ABCC1: variants seen among roughly 807,000 people sequenced by gnomAD.
ABCC1 encodes the protein multidrug resistance-associated protein 1.
ABCC1 carries 83 observed loss-of-function variants against 172.9 expected under a neutral mutation model. The ratio of observed to expected loss-of-function variants is 0.48; its 90% CI spans 0.40 to 0.58. The LOEUF (loss-of-function observed/expected upper bound fraction) is 0.58, where lower values mean the gene tolerates loss of function less well. Among genes scored for constraint, ABCC1 ranks in the 20% least tolerant of loss-of-function variants. The pLI is 0.00. For synonymous variants in ABCC1, 937 were observed against 825.2 expected, an observed-to-expected ratio of 1.14 and a Z score of -2.32; for missense variants, 1,817 against 2,002.7, an observed-to-expected ratio of 0.91 and a Z score of 1.77.
Position 16,086,857 on chromosome 16 carries a change from G to A in ABCC1, c.2326G>A (p.Val776Met), listed in dbSNP as rs763781150. The A allele has an allele frequency of 5.6e-6, 9 of 1,614,128 alleles. No homozygotes were observed. Among genetic ancestry groups the A allele is most frequent in the Middle Eastern group, 1.7e-4 (1 of 6,008 alleles). ...CCTGTCTGGGGGCCAGAAGCAGCGCGTGAGCCTGGCCCGGGCCGTGTACTC... is the reference window on the plus strand; with the variant it reads ...CCTGTCTGGGGGCCAGAAGCAGCGCATGAGCCTGGCCCGGGCCGTGTACTC... ...VNLSGGQKQR[V>M]SLARAVYSNA... Residue 776 changes from valine to methionine, a missense_variant, in exon 18 of 31, where the codon GTG (valine) becomes ATG (methionine). Coordinates refer to ENST00000399410, the MANE Select transcript of ABCC1 (RefSeq NM_004996.4).
At chr16:16,057,647 C>T (rs2049723906) in intron 12 of ABCC1, among the ~76,000 whole-genome samples, 1 of 152,034 alleles carries the variant, frequency 6.6e-6, no homozygotes. Context: ...GAAAAATGGA[C>T]AAGCATATAG....
intron 22 of ABCC1, among the ~76,000 whole-genome samples, chr16:16,112,297 G>A (rs2044650711): frequency 6.6e-6 from 1 of 151,798 alleles, no homozygotes; most frequent in African/African-American, 2.4e-5. Context: ...AGGAGTTTGA[G>A]CCTACAGTTA....
chr16:16,103,663 G>A (rs1378093218), intron 20 of ABCC1, among the ~76,000 whole-genome samples: 4 of 152,162 alleles, frequency 2.6e-5, no homozygotes, highest in Non-Finnish European at 4.4e-5. Context: ...GAGCCTAAAC[G>A]TATCAGACCG....
intron 8 of ABCC1, 67 bp from the exon 9 acceptor site, chr16:16,045,769 C>T: frequency 2.0e-6 from 3 of 1,513,138 alleles, no homozygotes; most frequent in Non-Finnish European, 2.7e-6. Flanking sequence ...AGTGCCAACA[C>T]TGAAGCTCTC....
intron 8 of ABCC1, among the ~76,000 whole-genome samples, chr16:16,045,565 C>G (rs2049171631): frequency 6.6e-6 from 1 of 152,026 alleles, no homozygotes. Flanking sequence ...CCTCGTGTTC[C>G]CTATGCAATT....
intron 14 of ABCC1, among the ~76,000 whole-genome samples, chr16:16,072,047 A>C (rs182776332): frequency 6.6e-6 from 1 of 151,914 alleles, no homozygotes; most frequent in African/African-American, 2.4e-5. Context: ...CCTTGATTCT[A>C]TTCTGGGCTA....
intron 20 of ABCC1, 65 bp downstream of exon 20, chr16:16,102,782 G>T (rs1254627348): frequency 6.7e-7 from 1 of 1,492,068 alleles, no homozygotes; most frequent in Non-Finnish European, 9.0e-7. Flanking sequence ...ACAAGAGGAG[G>T]AACAAAAAAA....
At chr16:15,994,368 A>G (rs1038365888) in intron 1 of ABCC1, among the ~76,000 whole-genome samples, 2 of 152,122 alleles carry the variant, frequency 1.3e-5, no homozygotes, top group Non-Finnish European at 1.5e-5. Context: ...CAATTTACAT[A>G]AACTCTCTGG....
intron 20 of ABCC1, among the ~76,000 whole-genome samples, chr16:16,106,293 T>C (rs966986334): frequency 1.3e-5 from 2 of 151,996 alleles, no homozygotes; most frequent in Non-Finnish European, 2.9e-5. Flanking sequence ...CTTTGCCCTA[T>C]GTTTTTCATC....
intron 3 of ABCC1, among the ~76,000 whole-genome samples, chr16:16,012,136 G>C (rs543962081): frequency 1.3e-5 from 2 of 152,294 alleles, no homozygotes; most frequent in South Asian, 4.1e-4. Flanking sequence ...CATATGTGCT[G>C]TCCACTCTCT....
Position 16,068,177 on chromosome 16 carries a change from G to A in ABCC1, c.1699G>A (p.Val567Ile), listed in dbSNP as rs545772203. The stretch of plus-strand genomic sequence containing the variant: ...GCAGGTGGCCTTGTGCACATTTGCC[G>A]TCTACGTGACCATTGACGAGAACAA... ...PFLVALCTFA[V>I]YVTIDENNIL... Residue 567 changes from valine to isoleucine, a missense_variant, in exon 13 of 31, where the codon GTC (valine) becomes ATC (isoleucine). By Grantham distance (29) the Val-to-Ile change is conservative (BLOSUM62 3). Transcript: ENST00000399410. 8.1e-6 allele frequency: 13 copies of A among 1,614,154 alleles called. No individual in the cohort carries two copies. The highest frequency in any genetic ancestry group is 3.3e-5 in the Admixed American group (2 of 60,014).
chr16:16,097,684 C>T (rs1467148476), intron 19 of ABCC1, among the ~76,000 whole-genome samples: 4 of 152,112 alleles, frequency 2.6e-5, no homozygotes, highest in Non-Finnish European at 5.9e-5. Flanking sequence ...TGAGAGGGGC[C>T]CCTCTGGCAT....
At chr16:15,990,278 T>A (rs2046828672) in intron 1 of ABCC1, among the ~76,000 whole-genome samples, 1 of 152,128 alleles carries the variant, frequency 6.6e-6, no homozygotes, top group South Asian at 2.1e-4. Context: ...AACTCCTGAC[T>A]TCAAGTGATC....
At chr16:16,070,877 T>G (rs1447021201) in intron 13 of ABCC1, among the ~76,000 whole-genome samples, 1 of 152,150 alleles carries the variant, frequency 6.6e-6, no homozygotes, top group Non-Finnish European at 1.5e-5. Context: ...ATGCATTTCT[T>G]CCTACATAAT....
intron 11 of ABCC1, among the ~76,000 whole-genome samples, chr16:16,055,785 C>T (rs564435833): frequency 1.3e-5 from 2 of 150,450 alleles, no homozygotes; most frequent in Admixed American, 6.6e-5. Flanking sequence ...TCTTGGGGCT[C>T]AAGAGTAGGG....
chr16:16,007,463 G>C (rs1185233123), intron 1 of ABCC1, among the ~76,000 whole-genome samples: 1 of 152,070 alleles, frequency 6.6e-6, no homozygotes, highest in African/African-American at 2.4e-5. Context: ...AGCCTAAAGT[G>C]GTCTGCCCAC....
intron 21 of ABCC1, 132 bp from the exon 22 acceptor site, chr16:16,111,243 G>A: frequency 1.4e-6 from 1 of 724,066 alleles, no homozygotes. Flanking sequence ...CTAAAGGGGA[G>A]GGGTGTTCTA....
Position 16,083,524 on chromosome 16 carries a change from G to C in ABCC1, c.2274G>C (p.Arg758=), listed in dbSNP as rs762908682. Residue 758 remains arginine (R), a synonymous_variant, in exon 17 of 31, where the codon CGG becomes CGC. Coordinates refer to ENST00000399410, the MANE Select transcript of ABCC1 (RefSeq NM_004996.4). ...PDLEILPSGD[R]TEIGEKGVNL... Reference sequence around the variant, plus strand: ...TGGAAATCCTGCCCAGTGGGGATCGGACAGAGATTGGCGAGAAGGTCAGTA... The same window carrying C: ...TGGAAATCCTGCCCAGTGGGGATCGCACAGAGATTGGCGAGAAGGTCAGTA... The C allele has an allele frequency of 2.5e-6, 4 of 1,613,228 alleles. No homozygotes were observed. In the Admixed American group the frequency reaches 6.7e-5, roughly 27 times the overall value.
intron 24 of ABCC1, among the ~76,000 whole-genome samples, chr16:16,123,733 C>G (rs1413171448): frequency 6.6e-6 from 1 of 152,084 alleles, no homozygotes; most frequent in East Asian, 1.9e-4. Flanking sequence ...ATAAGATGAC[C>G]AGGCACATTG....
Sources: gnomAD v4.1 joint callset for allele counts (sites outside exome capture counted in the v4.1 genomes callset) on GRCh38, gnomAD v4.1.1 for gene constraint, MANE v1.5 for transcripts, NCBI Gene and HGNC (gene_info 2026-07-23, HGNC 2026-07-21) for gene names.